The following HS6ST3 variants were observed in gnomAD, a reference collection of about 807,000 sequenced individuals.
HS6ST3 encodes heparan sulfate 6-O-sulfotransferase 3, also known as heparan-sulfate 6-O-sulfotransferase 3.
HS6ST3 carries 12 observed loss-of-function variants against 36.7 expected under a neutral mutation model. The ratio of observed to expected loss-of-function variants is 0.33; its 90% CI spans 0.21 to 0.53. The LOEUF (loss-of-function observed/expected upper bound fraction) is 0.53. Ranked by LOEUF, HS6ST3 falls within the 20% of genes least tolerant of loss-of-function variation. The pLI, the probability that HS6ST3 is intolerant of heterozygous loss-of-function variation, is 0.95. For missense variants in HS6ST3, 584 were observed against 640.9 expected (o/e 0.91, Z 0.96); for synonymous variants, 240 against 257.5 (o/e 0.93, Z 0.65).
chr13:96,461,157 A>G (rs1466500007), intron 1 of HS6ST3, among the ~76,000 whole-genome samples: 1 of 152,212 alleles, frequency 6.6e-6, no homozygotes, highest in African/African-American at 2.4e-5. Context: ...TAACCTACAT[A>G]TATTCAAATT....
At chr13:96,487,921 G>T (rs1054822295) in intron 1 of HS6ST3, among the ~76,000 whole-genome samples, 2 of 152,054 alleles carry the variant, frequency 1.3e-5, no homozygotes, top group Non-Finnish European at 2.9e-5. Context: ...ATCTATCATT[G>T]TGAATGGAAA....
chr13:96,468,221 G>A lies in HS6ST3; in HGVS notation c.708-364269G>A, dbSNP rs1394318317. ...CTTTAAGCCTTAAGTTTAAGAAAAT[G>A]AGAAATCAGCCTTAGAAACAAATGT... On this transcript the variant is annotated intron_variant, in intron 1 of 1. Transcript: ENST00000376705. Among the ~76,000 whole-genome samples, 3 of 152,064 alleles carry A rather than the reference G, an allele frequency of 2.0e-5. No homozygotes were observed. The East Asian group carries it at 5.8e-4, about 29-fold the overall frequency.
Position 96,668,190 on chromosome 13 carries a change from G to A in HS6ST3, c.708-164300G>A, listed in dbSNP as rs989134669. On this transcript the variant is annotated intron_variant, in intron 1 of 1. Coordinates refer to ENST00000376705, the MANE Select transcript of HS6ST3 (RefSeq NM_153456.4). ...CACGCATACACACACACACACACAC[G>A]CACACACACACAGCTGGTGAAGAGT... Among the ~76,000 whole-genome samples, 41 of 150,730 alleles carry A rather than the reference G, an allele frequency of 2.7e-4. No individual in the cohort carries two copies. In the South Asian group the frequency reaches 5.9e-3, roughly 22 times the overall value.
chr13:96,709,158 C>A (rs1875500302), intron 1 of HS6ST3, among the ~76,000 whole-genome samples: 1 of 152,180 alleles, frequency 6.6e-6, no homozygotes, highest in African/African-American at 2.4e-5. Flanking sequence ...GCTCTTCTCT[C>A]TTCACTCATG....
chr13:96,144,776 G>C (rs1482515831), intron 1 of HS6ST3, among the ~76,000 whole-genome samples: 8 of 131,132 alleles, frequency 6.1e-5, no homozygotes, highest in African/African-American at 2.3e-4. Context: ...ATCACCTAAT[G>C]CTCTCCCTCC....
chr13:96,156,541 A>C (rs2054111627), intron 1 of HS6ST3, among the ~76,000 whole-genome samples: 2 of 152,178 alleles, frequency 1.3e-5, no homozygotes. Context: ...GTTCCTGGTG[A>C]TATTCTTAGG....
chr13:96,449,465 C>T (rs2055716316), intron 1 of HS6ST3, among the ~76,000 whole-genome samples: 1 of 152,148 alleles, frequency 6.6e-6, no homozygotes, highest in African/African-American at 2.4e-5. Context: ...GGATACTTCT[C>T]ATGATTCAGG....
chr13:96,180,954 G>A (rs2054237051), intron 1 of HS6ST3, among the ~76,000 whole-genome samples: 1 of 152,046 alleles, frequency 6.6e-6, no homozygotes, highest in Non-Finnish European at 1.5e-5. Context: ...TGACTACATT[G>A]GTATGGAGTT....
chr13:96,164,668 C>A (rs998518549), intron 1 of HS6ST3, among the ~76,000 whole-genome samples: 2 of 152,094 alleles, frequency 1.3e-5, no homozygotes, highest in Non-Finnish European at 2.9e-5. Context: ...AATATGGTAC[C>A]TTTGCCCTAG....
chr13:96,374,032 T>C (rs1192842545), intron 1 of HS6ST3, among the ~76,000 whole-genome samples: 4 of 152,322 alleles, frequency 2.6e-5, no homozygotes, highest in East Asian at 3.9e-4. Flanking sequence ...TGGTCTGGTT[T>C]CTTGCCCCCA....
chr13:96,221,945 T>C (rs961788539), intron 1 of HS6ST3, among the ~76,000 whole-genome samples: 8 of 152,226 alleles, frequency 5.3e-5, no homozygotes, highest in Admixed American at 4.6e-4. Context: ...TTGTAATAAA[T>C]GTTCTTTTAA....
chr13:96,219,828 C>G (rs888597034), intron 1 of HS6ST3, among the ~76,000 whole-genome samples: 1 of 152,092 alleles, frequency 6.6e-6, no homozygotes, highest in African/African-American at 2.4e-5. Flanking sequence ...GGACTACAGG[C>G]GCGTGCCACC....
chr13:96,620,041 G>A (rs1273410338), intron 1 of HS6ST3, among the ~76,000 whole-genome samples: 1 of 152,184 alleles, frequency 6.6e-6, no homozygotes, highest in Non-Finnish European at 1.5e-5. Context: ...TGTGAGATTG[G>A]CAGGTGATGT....
intron 1 of HS6ST3, among the ~76,000 whole-genome samples, chr13:96,589,155 C>T (rs1174278848): frequency 6.6e-6 from 1 of 151,532 alleles, no homozygotes; most frequent in Non-Finnish European, 1.5e-5. Context: ...TAAAAGTCAG[C>T]AGTAAAGCCA....
intron 1 of HS6ST3, among the ~76,000 whole-genome samples, chr13:96,332,089 C>A (rs1031168369): frequency 6.6e-6 from 1 of 152,162 alleles, no homozygotes; most frequent in African/African-American, 2.4e-5. Flanking sequence ...TCTGGCACTC[C>A]CTAGTGAGAT....
chr13:96,174,452 T>C (rs1376328725), intron 1 of HS6ST3, among the ~76,000 whole-genome samples: 1 of 152,086 alleles, frequency 6.6e-6, no homozygotes, highest in African/African-American at 2.4e-5. Context: ...CAGGCTGGCT[T>C]TAAACTCCTG....
Position 96,419,778 on chromosome 13 carries a change from C to T in HS6ST3, c.707+328209C>T, listed in dbSNP as rs2055553879. On this transcript the variant is annotated intron_variant, in intron 1 of 1. Coordinates refer to ENST00000376705, the MANE Select transcript of HS6ST3 (RefSeq NM_153456.4). ...GGCTGTGGATGCATCACTCCAGTCT[C>T]TGCCTCCATCACGCATAGTCGTCTT... Among the ~76,000 whole-genome samples, 4 of 152,270 alleles carry T rather than the reference C, an allele frequency of 2.6e-5. No homozygotes were observed. In the South Asian group the frequency reaches 8.3e-4, roughly 32 times the overall value.
intron 1 of HS6ST3, among the ~76,000 whole-genome samples, chr13:96,695,497 GACCATAGTTC>G (rs1274472014): frequency 6.6e-6 from 1 of 152,086 alleles, no homozygotes; most frequent in Non-Finnish European, 1.5e-5. Context: ...GCATAATCAT[GACCATAGTTC>G]ACTGCAGCTC....
chr13:96,415,769 C>T (rs949007062), intron 1 of HS6ST3, among the ~76,000 whole-genome samples: 1 of 152,138 alleles, frequency 6.6e-6, no homozygotes, highest in Non-Finnish European at 1.5e-5. Flanking sequence ...GGTGGGTACA[C>T]CAATAAGCAA....
Sources: allele counts gnomAD v4.1 joint callset (sites outside exome capture counted in the v4.1 genomes callset), GRCh38; gene constraint gnomAD v4.1.1; transcripts MANE v1.5; gene names NCBI Gene and HGNC (gene_info 2026-07-23, HGNC 2026-07-21).